SLC13A3: variants seen among roughly 807,000 people sequenced by gnomAD.
SLC13A3 encodes the protein solute carrier family 13 member 3, also known as Na(+)/dicarboxylate cotransporter 3.
Under a neutral mutation model 59.0 loss-of-function variants are expected in SLC13A3, and 40 were observed. The observed-to-expected ratio is 0.68, with a 90% CI of 0.53 to 0.88. SLC13A3 has a LOEUF of 0.88. SLC13A3 is among the 40% of genes least tolerant of loss of function. SLC13A3 has a pLI of 0.00. For missense variants in SLC13A3, 699 were observed against 783.2 expected (o/e 0.89, Z 1.28); for synonymous variants, 317 against 330.3 (o/e 0.96, Z 0.44).
intron 3 of SLC13A3, among the ~76,000 whole-genome samples, chr20:46,607,682 T>C (rs1319626115): frequency 3.3e-5 from 5 of 152,190 alleles, no homozygotes; most frequent in African/African-American, 1.2e-4. Context: ...ATTCTCACAA[T>C]GAGGGACTTG....
chr20:46,584,032 T>C, intron 8 of SLC13A3: 2 of 985,380 alleles, frequency 2.0e-6, no homozygotes, highest in Non-Finnish European at 2.4e-6. Flanking sequence ...GCCCTGTCTT[T>C]GTTCAGCTTG....
At chr20:46,623,098 A>G (rs565750749) in intron 1 of SLC13A3, among the ~76,000 whole-genome samples, 17 of 152,318 alleles carry the variant, frequency 1.1e-4, no homozygotes, top group Non-Finnish European at 1.8e-4. Context: ...ACACTTCCCA[A>G]TTCATTTTAT....
intron 1 of SLC13A3, among the ~76,000 whole-genome samples, chr20:46,683,174 C>A (rs1435683871): frequency 6.6e-6 from 1 of 152,284 alleles, no homozygotes; most frequent in Non-Finnish European, 1.5e-5. Context: ...ATTATTTAGG[C>A]AGATATTCAG....
intron 1 of SLC13A3, among the ~76,000 whole-genome samples, chr20:46,645,608 A>C (rs959735107): frequency 6.6e-6 from 1 of 152,058 alleles, no homozygotes; most frequent in Admixed American, 6.6e-5. Flanking sequence ...CTCCCTTCTA[A>C]TCCTTCTTTC....
intron 1 of SLC13A3, among the ~76,000 whole-genome samples, chr20:46,630,824 C>G (rs541782123): frequency 1.3e-5 from 2 of 152,134 alleles, no homozygotes; most frequent in Non-Finnish European, 2.9e-5. Context: ...ATTAAAGACC[C>G]GATTCTTCCA....
intron 1 of SLC13A3, among the ~76,000 whole-genome samples, chr20:46,675,596 T>C (rs1224436740): frequency 2.0e-5 from 3 of 151,252 alleles, no homozygotes; most frequent in African/African-American, 7.3e-5. Context: ...TTAATTTTGT[T>C]TTTAACTAAA....
chr20:46,569,430 G>A (rs963459004), intron 10 of SLC13A3, among the ~76,000 whole-genome samples: 32 of 152,304 alleles, frequency 2.1e-4, no homozygotes, highest in African/African-American at 7.7e-4. Flanking sequence ...AGGGGCTCTG[G>A]AGTCAGACTG....
intron 1 of SLC13A3, among the ~76,000 whole-genome samples, chr20:46,668,423 T>C (rs915495758): frequency 2.0e-5 from 3 of 152,152 alleles, no homozygotes; most frequent in African/African-American, 7.2e-5. Context: ...GCCACAACAT[T>C]CCCAAGCCAA....
intron 1 of SLC13A3, among the ~76,000 whole-genome samples, chr20:46,677,717 G>T (rs2063134542): frequency 6.6e-6 from 1 of 152,080 alleles, no homozygotes; most frequent in Non-Finnish European, 1.5e-5. Context: ...GTAACAAGAG[G>T]AGTAAGACAT....
chr20:46,626,284 C>T (rs971364007), intron 1 of SLC13A3, among the ~76,000 whole-genome samples: 2 of 150,574 alleles, frequency 1.3e-5, no homozygotes, highest in Non-Finnish European at 3.0e-5. Flanking sequence ...CCCTCCTCCT[C>T]CCTTTCTCTC....
upstream of SLC13A3, among the ~76,000 whole-genome samples, chr20:46,671,914 T>C (rs1319053855): frequency 1.3e-5 from 2 of 152,222 alleles, no homozygotes; most frequent in Admixed American, 6.5e-5. Flanking sequence ...AAGGGGAATC[T>C]GAGCTGCACA....
intron 9 of SLC13A3, chr20:46,582,747 C>T (rs1600516720): frequency 1.0e-6 from 1 of 985,220 alleles, no homozygotes; most frequent in African/African-American, 1.7e-5. Flanking sequence ...CTATTTTTCT[C>T]AACAATAGAA....
chr20:46,561,120 C>A (rs2146070710), intron 12 of SLC13A3, among the ~76,000 whole-genome samples: 1 of 152,288 alleles, frequency 6.6e-6, no homozygotes, highest in East Asian at 1.9e-4. Flanking sequence ...TGATTGCCTT[C>A]TTTGGAAAGG....
At chr20:46,684,056 G>A (rs2063167050) in intron 1 of SLC13A3, among the ~76,000 whole-genome samples, 1 of 152,070 alleles carries the variant, frequency 6.6e-6, no homozygotes, top group Non-Finnish European at 1.5e-5. Flanking sequence ...ATCCGGCCCC[G>A]CCTCTCCCAT....
At chr20:46,675,107 C>G (rs2063116701), upstream of SLC13A3, among the ~76,000 whole-genome samples, 1 of 151,200 alleles carries the variant, frequency 6.6e-6, no homozygotes, top group Admixed American at 6.6e-5. Context: ...GTTGGAAGAA[C>G]AGCAAGGAGC....
chr20:46,674,242 T>C (rs756477370), upstream of SLC13A3, among the ~76,000 whole-genome samples: 27 of 152,134 alleles, frequency 1.8e-4, no homozygotes, highest in Non-Finnish European at 1.0e-4. Context: ...AAGAACAATA[T>C]TGGCTTTGAT....
rs186057793 is a variant in SLC13A3, at chr20:46,611,744, C to T, written c.378-1135G>A. ...TTCTAACTGGGATGTATCAGCTTCT[C>T]ATGCCCGTACCCTCCTGTCTGACCT... On this transcript the variant is annotated intron_variant, in intron 2 of 12. Transcript: ENST00000279027. 7.9e-5 allele frequency among the ~76,000 whole-genome samples: 12 copies of T among 152,312 alleles called. No individual in the cohort carries two copies. In the South Asian group the frequency reaches 1.0e-3, roughly 13 times the overall value.
chr20:46,608,703 T>A (rs894519932), intron 3 of SLC13A3: 1 of 717,568 alleles, frequency 1.4e-6, no homozygotes, highest in South Asian at 2.5e-5. Context: ...GGTACACGGA[T>A]CAACATTTAA....
intron 1 of SLC13A3, among the ~76,000 whole-genome samples, chr20:46,622,649 TG>T (rs1311728554): frequency 2.0e-5 from 3 of 151,278 alleles, no homozygotes; most frequent in Admixed American, 6.6e-5. Flanking sequence ...TGTGTGTGTG[TG>T]TGTGTGTGTG....
Sources: gnomAD v4.1 joint callset for allele counts (sites outside exome capture counted in the v4.1 genomes callset) on GRCh38, gnomAD v4.1.1 for gene constraint, MANE v1.5 for transcripts, NCBI Gene and HGNC (gene_info 2026-07-23, HGNC 2026-07-21) for gene names.